The following KPNA1 variants were observed in gnomAD, a reference collection of about 807,000 sequenced individuals.
The protein encoded by KPNA1 is karyopherin subunit alpha 1.
A neutral mutation model predicts 70.5 loss-of-function variants in KPNA1; 10 were observed. The observed-to-expected ratio is 0.14, with a 90% CI of 0.09 to 0.24. KPNA1 has a LOEUF of 0.24. Among genes scored for constraint, KPNA1 ranks in the 10% least tolerant of loss-of-function variants. KPNA1 has a pLI of 1.00. For missense variants in KPNA1, 397 were observed against 637.9 expected (o/e 0.62, Z 4.07); for synonymous variants, 192 against 221.9 (o/e 0.87, Z 1.20).
At chr3:122,448,130 A>T (rs1026499873) in intron 9 of KPNA1, among the ~76,000 whole-genome samples, 1 of 152,188 alleles carries the variant, frequency 6.6e-6, no homozygotes, top group African/African-American at 2.4e-5. Flanking sequence ...GAGAAATAGG[A>T]ACACTCTTAC....
chr3:122,438,688 G>A (rs2076023171), intron 10 of KPNA1, among the ~76,000 whole-genome samples: 1 of 152,056 alleles, frequency 6.6e-6, no homozygotes, highest in Non-Finnish European at 1.5e-5. Context: ...GCTCGGCCAG[G>A]TATTTCTTTA....
chr3:122,451,083 A>G (rs2076197217), intron 8 of KPNA1, among the ~76,000 whole-genome samples: 2 of 152,134 alleles, frequency 1.3e-5, no homozygotes, highest in South Asian at 4.1e-4. Flanking sequence ...AAATCTCAGA[A>G]ATCACCACTA....
chr3:122,504,795 TGAGA>T (rs145593338), intron 1 of KPNA1, among the ~76,000 whole-genome samples: 26 of 151,004 alleles, frequency 1.7e-4, no homozygotes, highest in Middle Eastern at 3.5e-3. Context: ...AGACTTTGGG[TGAGA>T]GAGAGAGAGA....
chr3:122,443,809 A>G (rs1490732890), intron 9 of KPNA1, among the ~76,000 whole-genome samples: 1 of 152,162 alleles, frequency 6.6e-6, no homozygotes, highest in Non-Finnish European at 1.5e-5. Flanking sequence ...CACAAGGAAA[A>G]TGGGGGCAGA....
At position 122,511,517 on chromosome 3, in the gene KPNA1, A is replaced by G. The variant is rs115940163; in HGVS notation, c.-6+3240T>C. 3.5e-3 allele frequency among the ~76,000 whole-genome samples: 526 copies of G among 152,298 alleles called. 2 individuals are homozygous for G. The highest frequency in any genetic ancestry group is 0.012 in the African/African-American group (486 of 41,564). ...TGTAACATCTTTAAAAAAAAGAAAG[A>G]AAGAAACATACATTCCCACAGTCTT... On this transcript the variant is annotated intron_variant, in intron 1 of 13. Transcript: ENST00000344337.
intron 2 of KPNA1, among the ~76,000 whole-genome samples, chr3:122,480,108 A>G (rs2076553470): frequency 6.6e-6 from 1 of 152,214 alleles, no homozygotes; most frequent in African/African-American, 2.4e-5. Flanking sequence ...GACATTCTGG[A>G]AAAGGCAAAA....
At chr3:122,465,669 A>C (rs2076371866) in intron 3 of KPNA1, among the ~76,000 whole-genome samples, 1 of 152,236 alleles carries the variant, frequency 6.6e-6, no homozygotes, top group Admixed American at 6.5e-5. Context: ...TGGGAAGCCA[A>C]GGCGGGTGGA....
At chr3:122,512,767 T>C (rs1037369981) in intron 1 of KPNA1, among the ~76,000 whole-genome samples, 2 of 152,240 alleles carry the variant, frequency 1.3e-5, no homozygotes, top group African/African-American at 4.8e-5. Context: ...GTATAGTGAT[T>C]TCAGGTGATA....
intron 2 of KPNA1, among the ~76,000 whole-genome samples, chr3:122,468,913 GA>G (rs1223598980): frequency 6.6e-6 from 1 of 152,046 alleles, no homozygotes; most frequent in Admixed American, 6.6e-5. Flanking sequence ...AAAGAAAACA[GA>G]AAAAGGACTG....
rs558569147 is a variant in KPNA1 at position 122,423,627 on chromosome 3, C to T, written c.*3358G>A. 1.3e-5 allele frequency: 2 copies of T among 152,602 alleles called. No individual in the cohort carries two copies. The highest frequency in any genetic ancestry group is 2.1e-4 in the South Asian group (1 of 4,824). The allele number at this position is 152,602 out of a possible 1,614,324, so 9.5% of individuals were successfully genotyped here. A position where few individuals can be genotyped will look rare whatever the true frequency, so the allele number is the denominator to read the frequency against. ...CATCCCCCAAGTTGGGGGATTAAAT[C>T]GCTGAAATGTTTATTTAGCACTAGA... On this transcript the variant is annotated 3_prime_UTR_variant, in exon 14 of 14. Coordinates refer to ENST00000344337, the MANE Select transcript of KPNA1 (RefSeq NM_002264.4).
At chr3:122,467,989 C>T (rs1301359872) in intron 2 of KPNA1, among the ~76,000 whole-genome samples, 1 of 152,108 alleles carries the variant, frequency 6.6e-6, no homozygotes, top group Non-Finnish European at 1.5e-5. Flanking sequence ...CAAAGTCAGC[C>T]AACGAGGGTG....
chr3:122,427,135 G>A lies in KPNA1; in HGVS notation c.1467C>T (p.Asn489=). The part of the protein sequence containing the change: ...DKIEFLQSHE[N]QEIYQKAFDL... ...CAAAGGCCTTTTGGTAGATCTCCTGGTTTTCATGACTCTGTAAGAACTCAA... is the reference window on the plus strand; with the variant it reads ...CAAAGGCCTTTTGGTAGATCTCCTGATTTTCATGACTCTGTAAGAACTCAA... Residue 489 remains asparagine, a synonymous_variant, in exon 14 of 14, where the codon AAC becomes AAT. Coordinates refer to ENST00000344337, the MANE Select transcript of KPNA1 (RefSeq NM_002264.4). 1 of 1,614,010 alleles carries A rather than the reference G, an allele frequency of 6.2e-7. No homozygotes were observed. Among genetic ancestry groups the A allele is most frequent in the Non-Finnish European group, 8.5e-7 (1 of 1,179,944 alleles).
chr3:122,494,694 T>C (rs572856518), intron 2 of KPNA1, among the ~76,000 whole-genome samples: 6 of 152,270 alleles, frequency 3.9e-5, no homozygotes, highest in Admixed American at 3.3e-4. Context: ...GGACAGAAAT[T>C]GCACTGAATC....
chr3:122,432,473 CAA>C (rs1367753991), intron 12 of KPNA1: 1 of 152,158 alleles, frequency 6.6e-6, no homozygotes. Flanking sequence ...ACAGAACACT[CAA>C]AACTAGCATC....
intron 2 of KPNA1, among the ~76,000 whole-genome samples, chr3:122,471,852 GTTATCAAGGATAACTT>G (rs1208356120): frequency 1.3e-5 from 2 of 152,160 alleles, no homozygotes; most frequent in Non-Finnish European, 1.5e-5. Context: ...GACAAGTTAA[GTTATCAAGGATAACTT>G]TTATCAAGGA....
chr3:122,437,331 T>C (rs1178883635), intron 10 of KPNA1, 36 bp from the exon 11 acceptor site: 5 of 1,483,582 alleles, frequency 3.4e-6, no homozygotes, highest in Non-Finnish European at 4.6e-6. Context: ...ACTTATTGTA[T>C]TGTTCTAAAT....
chr3:122,506,861 C>A (rs540813295), intron 1 of KPNA1, among the ~76,000 whole-genome samples: 51 of 152,292 alleles, frequency 3.3e-4, no homozygotes, highest in African/African-American at 1.2e-3. Context: ...AGGAAAATAT[C>A]TGTCAAGGAT....
At chr3:122,470,651 G>A (rs549674092) in intron 2 of KPNA1, among the ~76,000 whole-genome samples, 46 of 152,104 alleles carry the variant, frequency 3.0e-4, no homozygotes, top group African/African-American at 1.0e-3. Flanking sequence ...CTGTTAAAAG[G>A]TATAGTGTTA....
At chr3:122,467,058 G>A (rs1300333947) in intron 3 of KPNA1, among the ~76,000 whole-genome samples, 1 of 150,272 alleles carries the variant, frequency 6.7e-6, no homozygotes, top group African/African-American at 2.5e-5. Context: ...TAAATAAGGT[G>A]TCTATTCTTA....
Sources: allele counts gnomAD v4.1 joint callset (sites outside exome capture counted in the v4.1 genomes callset), GRCh38; gene constraint gnomAD v4.1.1; transcripts MANE v1.5; gene names NCBI Gene and HGNC (gene_info 2026-07-23, HGNC 2026-07-21).